PDLIM7: variants seen among roughly 807,000 people sequenced by gnomAD.
PDLIM7 encodes the protein PDZ and LIM domain 7.
In PDLIM7, 37 loss-of-function variants were observed where a neutral mutation model predicts 53.9. The ratio of observed to expected loss-of-function variants is 0.69; its 90% CI spans 0.53 to 0.90. PDLIM7 has a LOEUF of 0.90. Ranked by LOEUF, PDLIM7 falls within the 40% of genes least tolerant of loss-of-function variation. The pLI is 0.00. For missense variants in PDLIM7, 617 were observed against 638.5 expected (o/e 0.97, Z 0.36); for synonymous variants, 300 against 261.3 (o/e 1.15, Z -1.43).
intron 7 of PDLIM7, 107 bp downstream of exon 7, chr5:177,490,745 GGAAGGAAGGAAGGAAGGA>G (rs1450189449): frequency 2.3e-5 from 22 of 948,856 alleles, no homozygotes; most frequent in African/African-American, 1.1e-4. Flanking sequence ...AAGGAAGGAA[GGAAGGAAGGAAGGAAGGA>G]AGGGAGAATT....
chr5:177,486,007 CAGG>C (rs1042698089), intron 10 of PDLIM7, among the ~76,000 whole-genome samples: 5 of 152,084 alleles, frequency 3.3e-5, no homozygotes, highest in African/African-American at 1.2e-4. Context: ...AAATAAAAAG[CAGG>C]AGATCTCACT....
chr5:177,495,681 G>A (rs1185320079), intron 2 of PDLIM7, among the ~76,000 whole-genome samples: 1 of 152,292 alleles, frequency 6.6e-6, no homozygotes, highest in Non-Finnish European at 1.5e-5. Context: ...GCGTGGGGCT[G>A]CATTCTTGGG....
Position 177,484,199 on chromosome 5 carries a change from A to T in PDLIM7, c.1051-9T>A, listed in dbSNP as rs555364831. The stretch of plus-strand genomic sequence containing the variant: ...AGGGCGTGCATGATCTCCTGGAAGG[A>T]GGTCCCAGTCACTCGGCAGGCTCAG... On this transcript the variant is annotated splice_polypyrimidine_tract_variant and intron_variant, in intron 10 of 12. Transcript: ENST00000355841. The T allele has an allele frequency of 2.2e-5, 35 of 1,612,360 alleles. No individual in the cohort carries two copies. Among genetic ancestry groups the T allele is most frequent in the Admixed American group, 3.3e-5 (2 of 59,966 alleles).
chr5:177,496,179 G>A (rs978384818), intron 2 of PDLIM7, among the ~76,000 whole-genome samples: 9 of 152,308 alleles, frequency 5.9e-5, no homozygotes, highest in Middle Eastern at 6.8e-3. Context: ...GTGGCCACAG[G>A]AGCTTGGGAG....
At chr5:177,490,003 T>C in intron 7 of PDLIM7, 171 bp from the exon 8 acceptor site, 3 of 1,534,754 alleles carry the variant, frequency 2.0e-6, no homozygotes, top group Non-Finnish European at 2.6e-6. Flanking sequence ...CTCCTAGCAA[T>C]GTCCAGTTAG....
intron 10 of PDLIM7, among the ~76,000 whole-genome samples, chr5:177,485,840 G>A (rs1033808721): frequency 6.6e-6 from 1 of 152,036 alleles, no homozygotes; most frequent in Non-Finnish European, 1.5e-5. Context: ...TTAAAAATCT[G>A]CTGAGCATGC....
At chr5:177,491,308 G>T in intron 5 of PDLIM7, 162 bp from the exon 6 acceptor site, 2 of 1,471,276 alleles carry the variant, frequency 1.4e-6, no homozygotes, top group Non-Finnish European at 9.3e-7. Context: ...GGACAGGAGG[G>T]CGAAGTGGAG....
Position 177,496,410 on chromosome 5 carries a change from G to C in PDLIM7, c.96+7C>G, listed in dbSNP as rs1759073280. The C allele has an allele frequency of 3.2e-6, 5 of 1,581,342 alleles. No individual in the cohort carries two copies. Among genetic ancestry groups the C allele is most frequent in the Non-Finnish European group, 4.3e-6 (5 of 1,163,582 alleles). On this transcript the variant is annotated splice_region_variant and intron_variant, in intron 2 of 12. Coordinates refer to ENST00000355841, the MANE Select transcript of PDLIM7 (RefSeq NM_005451.5). The stretch of plus-strand genomic sequence containing the variant: ...TGGGGGAGCCCCCTCCCCAAACCTA[G>C]GCTCACCCGGGAAATGGAGAGGGGC...
At chr5:177,490,241 G>C in intron 7 of PDLIM7, 1 of 1,448,198 alleles carries the variant, frequency 6.9e-7, no homozygotes, top group South Asian at 1.4e-5. Context: ...GACAGGCAGA[G>C]CAAGCAGGGC....
chr5:177,490,151 C>A, intron 7 of PDLIM7: 1 of 1,475,358 alleles, frequency 6.8e-7, no homozygotes, highest in South Asian at 1.3e-5. Flanking sequence ...CCACTGAAAA[C>A]GAGGACGGCA....
At position 177,483,619 on chromosome 5, in the gene PDLIM7, C is replaced by T. The variant is rs372808614; in HGVS notation, c.*25G>A. 79 of 1,554,016 alleles carry T rather than the reference C, an allele frequency of 5.1e-5. No individual in the cohort carries two copies. The Admixed American group carries it at 9.6e-4, about 19-fold the overall frequency. ...CCAGGCCCCTCAGGCTAGGGGCCAC[C>T]GCGGCAGCTGTGGGCAGAAGGGGCT... is the stretch of plus-strand genomic sequence containing the variant. On this transcript the variant is annotated 3_prime_UTR_variant, in exon 13 of 13. Coordinates refer to ENST00000355841, the MANE Select transcript of PDLIM7 (RefSeq NM_005451.5).
rs1758688736 is a variant in PDLIM7 at position 177,490,407 on chromosome 5, A to G, written c.572+463T>C. The G allele has an allele frequency of 4.7e-6, 7 of 1,496,194 alleles. No individual in the cohort carries two copies. In the South Asian group the frequency reaches 9.0e-5, roughly 19 times the overall value. 92.7% of individuals were successfully genotyped at this position (1,496,194 alleles called of 1,614,324 possible). A position where few individuals can be genotyped will look rare whatever the true frequency, so the allele number is the denominator to read the frequency against. On this transcript the variant is annotated intron_variant, in intron 7 of 12. Transcript: ENST00000355841. ...AGGGGCACGAAAGGGGGGGTGAGGTAGGCAGAAGCTGGAGGCACTAAGGGG... is the reference window on the plus strand; with the variant it reads ...AGGGGCACGAAAGGGGGGGTGAGGTGGGCAGAAGCTGGAGGCACTAAGGGG...
chr5:177,483,722 C>T lies in PDLIM7; in HGVS notation c.1296G>A (p.Gln432=). The change falls in exon 13 of 13, where the codon CAG becomes CAA. Residue 432 remains glutamine, a synonymous_variant. Transcript: ENST00000355841. Reference sequence around the variant, plus strand: ...AGAAGGTCTTTCCTTCCAGGTTGATCTGACATATCTAAGGACAGCAAAGGC... The same window carrying T: ...AGAAGGTCTTTCCTTCCAGGTTGATTTGACATATCTAAGGACAGCAAAGGC... ...HDTCFVCAIC[Q]INLEGKTFYS... The T allele has an allele frequency of 6.2e-7, 1 of 1,612,716 alleles. No homozygotes were observed. Among genetic ancestry groups the T allele is most frequent in the Non-Finnish European group, 8.5e-7 (1 of 1,178,830 alleles).
At chr5:177,491,434 A>AAGAC in intron 5 of PDLIM7, 11 of 1,547,770 alleles carry the variant, frequency 7.1e-6, no homozygotes, top group Middle Eastern at 1.7e-4. Context: ...TGAAGGAAAT[A>AAGAC]AGACAGACAG....
chr5:177,491,878 G>A lies in PDLIM7; in HGVS notation c.327C>T (p.Ser109=). 7.9e-7 allele frequency: 1 copy of A among 1,272,048 alleles called. No individual in the cohort carries two copies. The allele number at this position is 1,272,048 out of a possible 1,614,324, so 78.8% of individuals were successfully genotyped here. The part of the protein sequence containing the change: ...ADPPRYTFAP[S]VSLNKTARPF... ...GCCGGGCCGTCTTGTTGAGGGAGAC[G>A]CTGGGTGCAAAGGTGTACCGCGGAG... Residue 109 remains serine, a synonymous_variant, in exon 5 of 13, where the codon AGC becomes AGT. Transcript: ENST00000355841.
intron 2 of PDLIM7, among the ~76,000 whole-genome samples, chr5:177,494,757 G>A (rs1029128463): frequency 6.6e-6 from 1 of 152,122 alleles, no homozygotes; most frequent in African/African-American, 2.4e-5. Context: ...AAAGCCAGGG[G>A]GCTGGACCCT....
At position 177,487,595 on chromosome 5, in the gene PDLIM7, G is replaced by C. The variant is rs559081580; in HGVS notation, c.1050+473C>G. Among the ~76,000 whole-genome samples, 3 of 152,362 alleles carry C rather than the reference G, an allele frequency of 2.0e-5. No homozygotes were observed. The South Asian group carries it at 6.2e-4, about 32-fold the overall frequency. On this transcript the variant is annotated intron_variant, in intron 10 of 12. Transcript: ENST00000355841. ...GACCACCCACCCCGGGATGTTTTTAGATGAGAAATAAGCCACCATTATTTT... is the reference window on the plus strand; with the variant it reads ...GACCACCCACCCCGGGATGTTTTTACATGAGAAATAAGCCACCATTATTTT...
At chr5:177,489,931 G>A in intron 7 of PDLIM7, 99 bp from the exon 8 acceptor site, 1 of 1,538,596 alleles carries the variant, frequency 6.5e-7, no homozygotes, top group East Asian at 2.4e-5. Context: ...GATGACTGGG[G>A]GCGTGGAAAC....
chr5:177,487,368 C>G (rs1344349032), intron 10 of PDLIM7, among the ~76,000 whole-genome samples: 1 of 152,256 alleles, frequency 6.6e-6, no homozygotes, highest in East Asian at 1.9e-4. Flanking sequence ...AGGATGAAAG[C>G]AGAGGTTCAG....
Sources: allele counts gnomAD v4.1 joint callset (sites outside exome capture counted in the v4.1 genomes callset), GRCh38; gene constraint gnomAD v4.1.1; transcripts MANE v1.5; gene names NCBI Gene and HGNC (gene_info 2026-07-23, HGNC 2026-07-21).